Variants in ATP7A observed in about 807,000 individuals in gnomAD.
The protein encoded by ATP7A is copper-transporting ATPase 1.
ATP7A carries 7 observed loss-of-function variants against 83.5 expected under a neutral mutation model. That is an observed-to-expected ratio of 0.08 (90% CI 0.05 to 0.16). The LOEUF (loss-of-function observed/expected upper bound fraction) is 0.16. Among genes scored for constraint, ATP7A ranks in the 10% least tolerant of loss-of-function variants. The pLI, the probability that ATP7A is intolerant of heterozygous loss-of-function variation, is 1.00. For missense variants in ATP7A, 940 were observed against 1,120.8 expected, an observed-to-expected ratio of 0.84 and a Z score of 2.30; for synonymous variants, 354 against 395.2, an observed-to-expected ratio of 0.90 and a Z score of 1.24.
chrX:78,043,241 A>T, intron 20 of ATP7A, 76 bp from the exon 21 acceptor site: 1 of 697,917 alleles, frequency 1.4e-6, no homozygotes, highest in Non-Finnish European at 2.3e-6. Context: ...AATCTTCAAC[A>T]TACACAGTAT....
At chrX:78,027,322 G>A (rs1303981657) in intron 14 of ATP7A, among the ~76,000 whole-genome samples, 1 of 111,278 alleles carries the variant, frequency 9.0e-6, no homozygotes. Context: ...CGTCCAACTC[G>A]AGAACTAAAT....
chrX:77,955,153 C>T (rs1021179006), intron 1 of ATP7A, among the ~76,000 whole-genome samples: 1 of 111,244 alleles, frequency 9.0e-6, no homozygotes, highest in Non-Finnish European at 1.9e-5. Flanking sequence ...TGGAGTTTAT[C>T]ATGTCTGTGC....
At chrX:78,043,088 T>G (rs2078060378) in intron 20 of ATP7A, among the ~76,000 whole-genome samples, 1 of 112,545 alleles carries the variant, frequency 8.9e-6, no homozygotes, top group Non-Finnish European at 1.9e-5. Flanking sequence ...TAAGTAGATT[T>G]AATCATAGTA....
At chrX:77,942,444 T>G (rs375703598) in intron 1 of ATP7A, among the ~76,000 whole-genome samples, 1 of 109,159 alleles carries the variant, frequency 9.2e-6, no homozygotes, top group African/African-American at 3.3e-5. Context: ...ACTCCTTTTT[T>G]TTTTGCGGGG....
At chrX:77,916,981 C>T (rs1401678499) in intron 1 of ATP7A, among the ~76,000 whole-genome samples, 1 of 111,588 alleles carries the variant, frequency 9.0e-6, no homozygotes, top group East Asian at 2.8e-4. Flanking sequence ...GGAGGTGGGA[C>T]TTCAGTTCAT....
chrX:78,021,014 G>A lies in ATP7A; in HGVS notation c.2851G>A (p.Ala951Thr), dbSNP rs1557235719. 1 of 1,205,280 alleles carries A rather than the reference G, an allele frequency of 8.3e-7. No individual in the cohort carries two copies. The highest frequency in any genetic ancestry group is 1.1e-6 in the Non-Finnish European group (1 of 890,263). The change falls in exon 14 of 23, where the codon GCC becomes ACC. Residue 951 changes from alanine (A) to threonine (T), a missense_variant. Coordinates refer to ENST00000341514, the MANE Select transcript of ATP7A (RefSeq NM_000052.7). ...FVPFIVFVSI[A>T]TLLVWIVIGF... ...TCCTTTTATTGTTTTTGTTTCCATT[G>A]CCACCCTCTTGGTATGGATTGTAAT...
At chrX:77,939,366 G>A (rs1330764501) in intron 1 of ATP7A, among the ~76,000 whole-genome samples, 2 of 110,768 alleles carry the variant, frequency 1.8e-5, no homozygotes, top group African/African-American at 6.5e-5. Flanking sequence ...GTATCTTTGA[G>A]TATCTTTCCA....
At chrX:78,042,827 G>T (rs372892189) in intron 20 of ATP7A, 39 bp downstream of exon 20, 1 of 1,149,151 alleles carries the variant, frequency 8.7e-7, no homozygotes, top group African/African-American at 1.8e-5. Context: ...GTATGAGACT[G>T]CCCTATGTGG....
intron 12 of ATP7A, among the ~76,000 whole-genome samples, chrX:78,016,888 A>T (rs781991912): frequency 8.9e-6 from 1 of 112,002 alleles, no homozygotes; most frequent in Non-Finnish European, 1.9e-5. Context: ...TTTTCTAGGT[A>T]TACAGTACAA....
At chrX:77,934,291 A>G (rs1465281912) in intron 1 of ATP7A, among the ~76,000 whole-genome samples, 2 of 110,710 alleles carry the variant, frequency 1.8e-5, no homozygotes, top group African/African-American at 3.3e-5. Context: ...GGTGGCACAC[A>G]CCTGTAGTCC....
At chrX:77,985,441 C>T (rs1218993103) in intron 2 of ATP7A, among the ~76,000 whole-genome samples, 1 of 110,342 alleles carries the variant, frequency 9.1e-6, no homozygotes, top group East Asian at 2.8e-4. Flanking sequence ...CCGGATACAA[C>T]GTATTTAAAG....
intron 1 of ATP7A, chrX:77,962,729 G>A (rs1207458676): frequency 1.0e-5 from 4 of 386,386 alleles, no homozygotes; most frequent in Non-Finnish European, 2.1e-5. Context: ...TGGGGCTGCA[G>A]ATCAGAGACA....
chrX:78,043,657 C>CTTTT (rs781972709), intron 21 of ATP7A, among the ~76,000 whole-genome samples: 1 of 93,829 alleles, frequency 1.1e-5, no homozygotes, highest in Non-Finnish European at 2.2e-5. Flanking sequence ...TTCCCTCCAA[C>CTTTT]TTTTTTTTTT....
At chrX:77,949,966 A>G (rs1335374699) in intron 1 of ATP7A, among the ~76,000 whole-genome samples, 1 of 111,741 alleles carries the variant, frequency 8.9e-6, no homozygotes, top group Non-Finnish European at 1.9e-5. Context: ...ATCAGAGTCA[A>G]CCAGGCTTGG....
At chrX:77,969,565 C>G in intron 1 of ATP7A, 1 of 1,212,021 alleles carries the variant, frequency 8.3e-7, no homozygotes, top group Non-Finnish European at 1.1e-6. Context: ...GGCGTCGTAC[C>G]AGCAGCTGAA....
At chrX:77,947,566 G>A (rs1278188964) in intron 1 of ATP7A, among the ~76,000 whole-genome samples, 1 of 108,262 alleles carries the variant, frequency 9.2e-6, no homozygotes, top group Non-Finnish European at 1.9e-5. Context: ...AGCCTCCTGA[G>A]TAGCTGGGAT....
intron 21 of ATP7A, 140 bp from the exon 22 acceptor site, chrX:78,045,330 G>C: frequency 1.8e-6 from 1 of 555,102 alleles, no homozygotes; most frequent in Non-Finnish European, 3.0e-6. Flanking sequence ...GAAAAAAATG[G>C]CAACAACAAA....
chrX:78,022,501 G>GTTTATTTATTTA (rs1224575072), intron 14 of ATP7A, among the ~76,000 whole-genome samples: 20 of 75,057 alleles, frequency 2.7e-4, no homozygotes, highest in African/African-American at 6.3e-4. Context: ...TTGTTTGTTT[G>GTTTATTTATTTA]TTTGTTTATT....
chrX:78,043,221 A>G, intron 20 of ATP7A, 96 bp from the exon 21 acceptor site: 1 of 628,131 alleles, frequency 1.6e-6, no homozygotes, highest in Non-Finnish European at 2.7e-6. Context: ...TATTACCCTA[A>G]GGTAGACGTA....
Sources: allele counts gnomAD v4.1 joint callset (sites outside exome capture counted in the v4.1 genomes callset), GRCh38; gene constraint gnomAD v4.1.1; transcripts MANE v1.5; gene names NCBI Gene and HGNC (gene_info 2026-07-23, HGNC 2026-07-21).